JAKMIP2: variants seen among roughly 807,000 people sequenced by gnomAD.
JAKMIP2 encodes the protein janus kinase and microtubule interacting protein 2.
In JAKMIP2, 25 loss-of-function variants were observed where a neutral mutation model predicts 115.0. That is an observed-to-expected ratio of 0.22 (90% CI 0.16 to 0.30). The LOEUF (loss-of-function observed/expected upper bound fraction) is 0.30, where lower values mean the gene tolerates loss of function less well. JAKMIP2 is among the 10% of genes least tolerant of loss of function. The pLI is 1.00. For synonymous variants in JAKMIP2, 334 were observed against 343.6 expected (o/e 0.97, Z 0.31); for missense variants, 642 against 957.6 (o/e 0.67, Z 4.35).
At chr5:147,618,536 A>G (rs1202194067) in intron 18 of JAKMIP2, among the ~76,000 whole-genome samples, 2 of 152,192 alleles carry the variant, frequency 1.3e-5, no homozygotes, top group Non-Finnish European at 2.9e-5. Context: ...CAGGAGTTCG[A>G]GACCAGCCTG....
chr5:147,673,769 G>A (rs112857795), intron 1 of JAKMIP2, among the ~76,000 whole-genome samples: 4 of 152,244 alleles, frequency 2.6e-5, no homozygotes, highest in African/African-American at 9.6e-5. Flanking sequence ...TAGGCAAAAG[G>A]ATAAATAAGA....
intron 1 of JAKMIP2, among the ~76,000 whole-genome samples, chr5:147,678,223 C>T (rs527458190): frequency 2.4e-4 from 36 of 152,202 alleles, no homozygotes; most frequent in African/African-American, 6.5e-4. Context: ...AGGCTGGTCT[C>T]GAACTTCTAA....
rs138865337 is a variant in JAKMIP2 at position 147,646,521 on chromosome 5, C to T, written c.937-1525G>A. Among the ~76,000 whole-genome samples, 609 of 152,078 alleles carry T rather than the reference C, an allele frequency of 4.0e-3. 6 individuals carry two copies. Among genetic ancestry groups the T allele is most frequent in the African/African-American group, 0.013 (544 of 41,526 alleles). ...TCTATAATTCTATCACATCATACATCAATAACCATAGTCCCACAATACCCA... is the reference window on the plus strand; with the variant it reads ...TCTATAATTCTATCACATCATACATTAATAACCATAGTCCCACAATACCCA... On this transcript the variant is annotated intron_variant, in intron 5 of 21. Coordinates refer to ENST00000616793, the MANE Select transcript of JAKMIP2 (RefSeq NM_001270941.2).
chr5:147,778,294 GT>G (rs1450151385), intron 1 of JAKMIP2, among the ~76,000 whole-genome samples: 4 of 151,594 alleles, frequency 2.6e-5, no homozygotes, highest in Admixed American at 6.6e-5. Context: ...TTTTTGTTTT[GT>G]TTTGCTTTGT....
chr5:147,712,196 C>G (rs779808221), intron 1 of JAKMIP2, among the ~76,000 whole-genome samples: 10 of 152,136 alleles, frequency 6.6e-5, no homozygotes, highest in Non-Finnish European at 7.4e-5. Flanking sequence ...TGTCTACAAC[C>G]CACAATCACT....
chr5:147,623,249 TA>T (rs1414910901), intron 17 of JAKMIP2, among the ~76,000 whole-genome samples: 5 of 150,862 alleles, frequency 3.3e-5, no homozygotes, highest in African/African-American at 1.2e-4. Flanking sequence ...TGATAAGAGT[TA>T]TTCTAATGGA....
At chr5:147,612,455 C>T in intron 19 of JAKMIP2, 84 bp from the exon 20 acceptor site, 1 of 746,820 alleles carries the variant, frequency 1.3e-6, no homozygotes, top group Non-Finnish European at 2.2e-6. Flanking sequence ...AAACACGAAA[C>T]TTCCTATACA....
chr5:147,656,777 G>T (rs1174088486), intron 3 of JAKMIP2, among the ~76,000 whole-genome samples: 1 of 152,150 alleles, frequency 6.6e-6, no homozygotes, highest in Non-Finnish European at 1.5e-5. Context: ...TTTCTTCATA[G>T]TGTCATTGGT....
At chr5:147,703,496 T>C (rs1752453400) in intron 1 of JAKMIP2, among the ~76,000 whole-genome samples, 2 of 152,160 alleles carry the variant, frequency 1.3e-5, no homozygotes, top group African/African-American at 4.8e-5. Context: ...TAGTCATCAC[T>C]GTATATCACT....
intron 20 of JAKMIP2, among the ~76,000 whole-genome samples, chr5:147,608,920 A>G (rs1165844918): frequency 6.6e-6 from 1 of 151,546 alleles, no homozygotes; most frequent in East Asian, 1.9e-4. Context: ...TCTCTTTACC[A>G]TTATGTAATG....
chr5:147,738,682 A>G (rs906285991), intron 1 of JAKMIP2, among the ~76,000 whole-genome samples: 1 of 152,158 alleles, frequency 6.6e-6, no homozygotes, highest in African/African-American at 2.4e-5. Flanking sequence ...TAATTTATCA[A>G]TATATTCTAA....
At chr5:147,694,186 G>A (rs1377442101) in intron 1 of JAKMIP2, among the ~76,000 whole-genome samples, 1 of 151,948 alleles carries the variant, frequency 6.6e-6, no homozygotes, top group Non-Finnish European at 1.5e-5. Flanking sequence ...TTGTCTGCTG[G>A]AAATCTCTAC....
In JAKMIP2 at chr5:147,675,322, C is replaced by T. The variant is rs535520962; in HGVS notation, c.-148-3368G>A. Reference sequence around the variant, plus strand: ...TATTGATAGCATCAGCCTATGGGTGCCTTAAGGTGAGCAACTTCATATCCA... The same window carrying T: ...TATTGATAGCATCAGCCTATGGGTGTCTTAAGGTGAGCAACTTCATATCCA... On this transcript the variant is annotated intron_variant, in intron 1 of 21. Transcript: ENST00000616793. 9.3e-4 allele frequency among the ~76,000 whole-genome samples: 141 copies of T among 152,140 alleles called. 1 individual carries two copies. The Middle Eastern group carries it at 0.02, about 22-fold the overall frequency.
Position 147,591,183 on chromosome 5 carries a change from T to C in JAKMIP2, c.*524A>G, listed in dbSNP as rs1403044403. On this transcript the variant is annotated 3_prime_UTR_variant, in exon 22 of 22. Coordinates refer to ENST00000616793, the MANE Select transcript of JAKMIP2 (RefSeq NM_001270941.2). ...ACATTTTATTGTAAATAGCTCTTCA[T>C]AGGTATTCCTCGTGCTTCACTCCCC... is the stretch of plus-strand genomic sequence containing the variant. The C allele has an allele frequency of 1.3e-5, 2 of 155,056 alleles. No individual in the cohort carries two copies. Among genetic ancestry groups the C allele is most frequent in the East Asian group, 3.8e-4 (2 of 5,270 alleles). 9.6% of individuals were successfully genotyped at this position (155,056 alleles called of 1,614,324 possible). A position where few individuals can be genotyped will look rare whatever the true frequency, so the allele number is the denominator to read the frequency against.
Position 147,632,783 on chromosome 5 carries a change from T to C in JAKMIP2, c.1678-5A>G. ...TTCTGCCTCCTGTTTTTCTATCTAATAAAGTAAATCCTGAAGTTAGGTAAG... is the reference window on the plus strand; with the variant it reads ...TTCTGCCTCCTGTTTTTCTATCTAACAAAGTAAATCCTGAAGTTAGGTAAG... On this transcript the variant is annotated splice_polypyrimidine_tract_variant and splice_region_variant and intron_variant, in intron 12 of 21. Transcript: ENST00000616793. The C allele has an allele frequency of 6.3e-7, 1 of 1,586,436 alleles. No individual in the cohort carries two copies. The highest frequency in any genetic ancestry group is 2.2e-5 in the East Asian group (1 of 44,672).
At chr5:147,631,796 G>C (rs1207458416) in intron 13 of JAKMIP2, among the ~76,000 whole-genome samples, 2 of 152,116 alleles carry the variant, frequency 1.3e-5, no homozygotes, top group Non-Finnish European at 2.9e-5. Flanking sequence ...TGAATATTTA[G>C]AGCTTTCAAA....
At chr5:147,768,512 T>C (rs1235491293) in intron 1 of JAKMIP2, among the ~76,000 whole-genome samples, 4 of 152,188 alleles carry the variant, frequency 2.6e-5, no homozygotes, top group African/African-American at 4.8e-5. Flanking sequence ...TAGTTCCTAA[T>C]TGAACAGGTT....
intron 8 of JAKMIP2, 33 bp from the exon 9 acceptor site, chr5:147,640,856 T>C (rs1529686): frequency 0.17 from 276,701 of 1,596,136 alleles, 32,483 homozygotes; most frequent in East Asian, 0.57. Context: ...TTTACTGACA[T>C]AGCTAACAGT....
chr5:147,636,476 C>T (rs1325640717), intron 11 of JAKMIP2, 192 bp from the exon 12 acceptor site: 6 of 601,022 alleles, frequency 1.0e-5, no homozygotes, highest in African/African-American at 1.9e-5. Flanking sequence ...AATTTAACCC[C>T]CTTTTCATCA....
Sources: allele counts gnomAD v4.1 joint callset (sites outside exome capture counted in the v4.1 genomes callset), GRCh38; gene constraint gnomAD v4.1.1; transcripts MANE v1.5; gene names NCBI Gene and HGNC (gene_info 2026-07-23, HGNC 2026-07-21).